KCNT2: variants seen among roughly 807,000 people sequenced by gnomAD.
KCNT2 encodes the protein potassium sodium-activated channel subfamily T member 2, also known as potassium channel subfamily T member 2.
In KCNT2, 67 loss-of-function variants were observed where a neutral mutation model predicts 153.8. The observed-to-expected ratio is 0.44, with a 90% CI of 0.36 to 0.53. KCNT2 has a LOEUF of 0.53. Ranked by LOEUF, KCNT2 falls within the 20% of genes least tolerant of loss-of-function variation. KCNT2 has a pLI of 0.00. For synonymous variants in KCNT2, 500 were observed against 458.8 expected (o/e 1.09, Z -1.15); for missense variants, 975 against 1,354.8 (o/e 0.72, Z 4.40).
rs1163636696 is a variant in KCNT2, at chr1:196,226,720, T to A, written c.*1504A>T. The A allele has an allele frequency of 6.6e-6, 1 of 152,020 alleles. No homozygotes were observed. The highest frequency in any genetic ancestry group is 1.5e-5 in the Non-Finnish European group (1 of 67,864). 9.4% of individuals were successfully genotyped at this position (152,020 alleles called of 1,614,324 possible). On this transcript the variant is annotated 3_prime_UTR_variant, in exon 28 of 28. Transcript: ENST00000294725. The stretch of plus-strand genomic sequence containing the variant: ...TATTGAGAGTACATTAGAATATCTT[T>A]TCTTTAAAAATTTTATTATCCTTTA...
intron 17 of KCNT2, 104 bp from the exon 18 acceptor site, chr1:196,331,365 CTG>C (rs1664442662): frequency 4.2e-6 from 3 of 710,916 alleles, no homozygotes; most frequent in East Asian, 5.2e-5. Flanking sequence ...ATCAATACCT[CTG>C]TGTTGCAATT....
intron 1 of KCNT2, among the ~76,000 whole-genome samples, chr1:196,508,325 A>G (rs1681331428): frequency 6.6e-6 from 1 of 151,884 alleles, no homozygotes; most frequent in Non-Finnish European, 1.5e-5. Context: ...AATGGTTAAT[A>G]TTTTTGACCT....
chr1:196,353,373 T>C (rs1666908162), intron 14 of KCNT2, among the ~76,000 whole-genome samples: 1 of 151,912 alleles, frequency 6.6e-6, no homozygotes, highest in Non-Finnish European at 1.5e-5. Context: ...ATCATCTCTT[T>C]TTATAGAAGG....
At chr1:196,348,762 A>C (rs1384164678) in intron 14 of KCNT2, among the ~76,000 whole-genome samples, 1 of 152,144 alleles carries the variant, frequency 6.6e-6, no homozygotes, top group Non-Finnish European at 1.5e-5. Context: ...ACGGTGGCTC[A>C]CGCCTGTAAT....
intron 1 of KCNT2, among the ~76,000 whole-genome samples, chr1:196,514,672 G>A (rs1178462842): frequency 1.3e-5 from 2 of 152,086 alleles, no homozygotes; most frequent in Non-Finnish European, 2.9e-5. Context: ...CATATGTGCA[G>A]TATTTATATA....
intron 19 of KCNT2, among the ~76,000 whole-genome samples, chr1:196,321,982 G>A (rs1347818637): frequency 6.6e-6 from 1 of 151,846 alleles, no homozygotes; most frequent in Non-Finnish European, 1.5e-5. Context: ...TAATTGGCAA[G>A]CACAACCTTT....
chr1:196,314,393 GA>G (rs944472941), intron 21 of KCNT2, among the ~76,000 whole-genome samples: 3 of 151,076 alleles, frequency 2.0e-5, no homozygotes, highest in African/African-American at 4.9e-5. Flanking sequence ...ATTCTCTAGA[GA>G]AAAAAAATTT....
chr1:196,523,385 C>T (rs951378994), intron 1 of KCNT2, among the ~76,000 whole-genome samples: 4 of 152,140 alleles, frequency 2.6e-5, no homozygotes, highest in East Asian at 1.9e-4. Flanking sequence ...GAACCAATTC[C>T]GGACACACTA....
intron 14 of KCNT2, among the ~76,000 whole-genome samples, chr1:196,351,199 T>A (rs1666659152): frequency 6.6e-6 from 1 of 152,204 alleles, no homozygotes; most frequent in African/African-American, 2.4e-5. Context: ...TTTTTTTTGG[T>A]GCCATATGAA....
rs201296515 is a variant in KCNT2 at position 196,573,837 on chromosome 1, CTT to C, written c.95+34376_95+34377del. Among the ~76,000 whole-genome samples, 1,336 of 151,874 alleles carry C rather than the reference CTT, an allele frequency of 8.8e-3. 65 individuals carry two copies. Among genetic ancestry groups the C allele is most frequent in the Admixed American group, 0.079 (1,196 of 15,234 alleles). ...TGGCAGTTATTTTATGTTTTTTTAA[CTT>C]TATCTTGGTATGTTACTCTTGTTTA... On this transcript the variant is annotated intron_variant, in intron 1 of 27. Transcript: ENST00000294725.
rs564018029 is a variant in KCNT2 at position 196,570,186 on chromosome 1, C to A, written c.95+38029G>T. ...TCATTCCACTAAAAGCAACCAAAAA[C>A]AGTAACAACAGCAAGAATAACCTGC... On this transcript the variant is annotated intron_variant, in intron 1 of 27. Transcript: ENST00000294725. 1.5e-3 allele frequency among the ~76,000 whole-genome samples: 227 copies of A among 149,906 alleles called. 2 individuals are homozygous for A. The highest frequency in any genetic ancestry group is 4.1e-3 in the African/African-American group (162 of 39,590).
At chr1:196,468,040 A>G (rs1157567977) in intron 6 of KCNT2, among the ~76,000 whole-genome samples, 3 of 152,128 alleles carry the variant, frequency 2.0e-5, no homozygotes, top group African/African-American at 4.8e-5. Flanking sequence ...GCAGATATCT[A>G]TGCTAATTAT....
At chr1:196,456,720 A>G (rs1468099840) in intron 8 of KCNT2, among the ~76,000 whole-genome samples, 1 of 152,134 alleles carries the variant, frequency 6.6e-6, no homozygotes, top group South Asian at 2.1e-4. Context: ...CCAAAACATC[A>G]TAAGATTCTT....
intron 1 of KCNT2, among the ~76,000 whole-genome samples, chr1:196,540,026 A>C (rs1026533610): frequency 6.6e-6 from 1 of 152,150 alleles, no homozygotes; most frequent in Non-Finnish European, 1.5e-5. Context: ...TTGAAGAATT[A>C]TAAAGTGAAT....
At chr1:196,401,872 A>G (rs1180617664) in intron 12 of KCNT2, among the ~76,000 whole-genome samples, 1 of 151,568 alleles carries the variant, frequency 6.6e-6, no homozygotes, top group African/African-American at 2.4e-5. Flanking sequence ...CAAAAAGATA[A>G]CCATGCCTAG....
intron 1 of KCNT2, among the ~76,000 whole-genome samples, chr1:196,587,422 C>A (rs935889491): frequency 6.6e-6 from 1 of 152,006 alleles, no homozygotes; most frequent in Non-Finnish European, 1.5e-5. Context: ...TTTATACCCT[C>A]AACAGCTCTA....
At chr1:196,605,184 C>G (rs748754299) in intron 1 of KCNT2, among the ~76,000 whole-genome samples, 4 of 152,196 alleles carry the variant, frequency 2.6e-5, no homozygotes, top group Non-Finnish European at 5.9e-5. Flanking sequence ...ATGTGGCTCT[C>G]TACATCCAGA....
At chr1:196,459,247 C>T (rs1204175946) in intron 8 of KCNT2, among the ~76,000 whole-genome samples, 1 of 151,612 alleles carries the variant, frequency 6.6e-6, no homozygotes, top group Admixed American at 6.6e-5. Context: ...GGTCAATATA[C>T]TTTGCCATTT....
At chr1:196,491,782 C>T (rs1399035464) in intron 2 of KCNT2, among the ~76,000 whole-genome samples, 1 of 151,952 alleles carries the variant, frequency 6.6e-6, no homozygotes, top group African/African-American at 2.4e-5. Flanking sequence ...AATCTCTAGG[C>T]TAAGAAAGAT....
Sources: gnomAD v4.1 joint callset for allele counts (sites outside exome capture counted in the v4.1 genomes callset) on GRCh38, gnomAD v4.1.1 for gene constraint, MANE v1.5 for transcripts, NCBI Gene and HGNC (gene_info 2026-07-23, HGNC 2026-07-21) for gene names.